The following TDRD6 variants were observed in gnomAD, a reference collection of about 807,000 sequenced individuals.
TDRD6 encodes tudor domain-containing protein 6.
Under a neutral mutation model 157.5 loss-of-function variants are expected in TDRD6, and 186 were observed. The ratio of observed to expected loss-of-function variants is 1.18; its 90% confidence interval spans 1.05 to 1.33. The LOEUF is 1.33. TDRD6 is among the 40% of genes most tolerant of loss of function. The probability of loss-of-function intolerance (pLI) is 0.00; values close to 1 mark genes in which losing one functional copy is unlikely to be tolerated. For missense variants in TDRD6, 3,066 were observed against 2,508.0 expected (o/e 1.22, Z -4.75); for synonymous variants, 1,075 against 945.2 (o/e 1.14, Z -2.52).
rs1764401604 is a variant in TDRD6, at chr6:46,693,413, G to A, written c.5285G>A (p.Gly1762Glu). The change falls in exon 1 of 4, where the codon GGA becomes GAA. Residue 1762 changes from glycine (G) to glutamate (E), a missense_variant. By Grantham distance (98) the Gly-to-Glu change is moderately conservative. Coordinates refer to ENST00000316081, the MANE Select transcript of TDRD6 (RefSeq NM_001010870.3). ...EITEKDVNIIGTKPSNFRDPK... is the reference protein window; with the variant it reads ...EITEKDVNIIETKPSNFRDPK... ...ACTGAAAAAGATGTAAACATTATTG[G>A]AACCAAACCAAGTAACTTCCGTGAC... The A allele has an allele frequency of 6.2e-7, 1 of 1,613,994 alleles. No individual in the cohort carries two copies. The highest frequency in any genetic ancestry group is 1.7e-5 in the Admixed American group (1 of 59,976).
chr6:46,688,763 A>C lies in TDRD6; in HGVS notation c.635A>C (p.Tyr212Ser), dbSNP rs151120283. ...CTCTTCCGTTCGCTGCTGGAGCGCT[A>C]TCTCACAGCGGCCACTGCTAGCGTG... is the stretch of plus-strand genomic sequence containing the variant. ...DSLFRSLLER[Y>S]LTAATASVGS... The change falls in exon 1 of 4, where the codon TAT becomes TCT. Residue 212 changes from tyrosine to serine, a missense_variant. Tyr to Ser is a moderately radical substitution (Grantham distance 144). Coordinates refer to ENST00000316081, the MANE Select transcript of TDRD6 (RefSeq NM_001010870.3). The C allele has an allele frequency of 3.7e-6, 6 of 1,605,642 alleles. No individual in the cohort carries two copies. The highest frequency in any genetic ancestry group is 1.3e-5 in the African/African-American group (1 of 75,012).
At chr6:46,683,904 T>C (rs945597973), upstream of TDRD6, among the ~76,000 whole-genome samples, 1 of 152,048 alleles carries the variant, frequency 6.6e-6, no homozygotes, top group Non-Finnish European at 1.5e-5. Flanking sequence ...TTTCCCACTA[T>C]GTTTTGCTGC....
At chr6:46,694,806 A>G (rs76191500) in intron 1 of TDRD6, among the ~76,000 whole-genome samples, 276 of 152,326 alleles carry the variant, frequency 1.8e-3, no homozygotes, top group African/African-American at 6.4e-3. Flanking sequence ...TTTATAAAAC[A>G]TGGTATTCCC....
In TDRD6 at chr6:46,689,583, G is replaced by A. The variant is rs772415236; in HGVS notation, c.1455G>A (p.Met485Ile). The A allele has an allele frequency of 2.5e-5, 41 of 1,614,050 alleles. No homozygotes were observed. The highest frequency in any genetic ancestry group is 2.9e-5 in the Non-Finnish European group (34 of 1,180,040). The change falls in exon 1 of 4, where the codon ATG becomes ATA. Residue 485 changes from methionine to isoleucine, a missense_variant. Physicochemically the swap from Met to Ile is conservative, Grantham distance 10 (BLOSUM62 1). Transcript: ENST00000316081. ...CCTTAAGATCTATCAGGTTAAAGAT[G>A]AATGCCTTCTACGATGCGCAGGTAG... The part of the protein sequence containing the change: ...LPALRSIRLK[M>I]NAFYDAQVEF...
Position 46,691,839 on chromosome 6 carries a change from T to C in TDRD6, c.3711T>C (p.Thr1237=). Residue 1237 remains threonine (T), a synonymous_variant, in exon 1 of 4, where the codon ACT becomes ACC. Coordinates refer to ENST00000316081, the MANE Select transcript of TDRD6 (RefSeq NM_001010870.3). ...LQSLTKTNLV[T]QYQDSVGNKN... ...GTTTAACAAAAACAAACTTAGTCACTCAATATCAAGACTCTGTGGGAAATA... is the reference window on the plus strand; with the variant it reads ...GTTTAACAAAAACAAACTTAGTCACCCAATATCAAGACTCTGTGGGAAATA... The C allele has an allele frequency of 1.2e-6, 2 of 1,602,660 alleles. No individual in the cohort carries two copies. The highest frequency in any genetic ancestry group is 1.7e-6 in the Non-Finnish European group (2 of 1,177,302).
Position 46,688,780 on chromosome 6 carries a change from G to A in TDRD6, c.652G>A (p.Ala218Thr), listed in dbSNP as rs746638084. Residue 218 changes from alanine to threonine, a missense_variant, in exon 1 of 4, where the codon GCT (alanine) becomes ACT (threonine). Transcript: ENST00000316081. ...GGAGCGCTATCTCACAGCGGCCACTGCTAGCGTGGGCTCCGGGGTCCCGGT... is the reference window on the plus strand; with the variant it reads ...GGAGCGCTATCTCACAGCGGCCACTACTAGCGTGGGCTCCGGGGTCCCGGT... ...LLERYLTAAT[A>T]SVGSGVPVLS... 10 of 1,608,604 alleles carry A rather than the reference G, an allele frequency of 6.2e-6. No individual in the cohort carries two copies. The Admixed American group carries it at 1.7e-4, about 27-fold the overall frequency.
chr6:46,696,913 T>C (rs551390708), intron 2 of TDRD6, among the ~76,000 whole-genome samples: 50 of 151,896 alleles, frequency 3.3e-4, no homozygotes, highest in African/African-American at 1.0e-3. Context: ...GCCCGGCTGT[T>C]TTTTAAATTG....
In TDRD6 at chr6:46,691,517, C is replaced by T. The variant is rs772534848; in HGVS notation, c.3389C>T (p.Ala1130Val). 1 of 1,613,876 alleles carries T rather than the reference C, an allele frequency of 6.2e-7. No individual in the cohort carries two copies. The highest frequency in any genetic ancestry group is 8.5e-7 in the Non-Finnish European group (1 of 1,179,906). The change falls in exon 1 of 4, where the codon GCA becomes GTA. Residue 1130 changes from alanine to valine, a missense_variant. Physicochemically the swap from Ala to Val is moderately conservative, Grantham distance 64. Coordinates refer to ENST00000316081, the MANE Select transcript of TDRD6 (RefSeq NM_001010870.3). ...AAGTCATTGAAGGCTTTAGTTGTAGCAAAAGATCCAGATGGAACACTGATT... is the reference window on the plus strand; with the variant it reads ...AAGTCATTGAAGGCTTTAGTTGTAGTAAAAGATCCAGATGGAACACTGATT... ...LDKSLKALVVAKDPDGTLIIE... is the reference protein window; with the variant it reads ...LDKSLKALVVVKDPDGTLIIE...
Position 46,689,722 on chromosome 6 carries a change from G to A in TDRD6, c.1594G>A (p.Gly532Ser). 6.2e-7 allele frequency: 1 copy of A among 1,614,208 alleles called. No individual in the cohort carries two copies. Among genetic ancestry groups the A allele is most frequent in the South Asian group, 1.1e-5 (1 of 91,078 alleles). The change falls in exon 1 of 4, where the codon GGT becomes AGT. Residue 532 changes from glycine (G) to serine (S), a missense_variant. Coordinates refer to ENST00000316081, the MANE Select transcript of TDRD6 (RefSeq NM_001010870.3). Reference protein sequence around the residue: ...GFYSSASKLDGVVLKPEPDDL... With the variant: ...GFYSSASKLDSVVLKPEPDDL... ...CTATTCCTCTGCCAGTAAGCTGGAT[G>A]GTGTAGTTTTGAAACCTGAACCTGA...
In TDRD6 at chr6:46,695,692, T is replaced by C. The variant is rs879062228; in HGVS notation, c.6047-129T>C. On this transcript the variant is annotated intron_variant, in intron 1 of 3. Transcript: ENST00000316081. ...TAAACAAAATTGAGGGAGACAGTCA[T>C]ACCAATGTACTAATTACATGATATT... is the stretch of plus-strand genomic sequence containing the variant. The C allele has an allele frequency of 7.9e-5, 68 of 860,290 alleles. 2 individuals are homozygous for C. In the South Asian group the frequency reaches 1.4e-3, roughly 17 times the overall value. 53.3% of individuals were successfully genotyped at this position (860,290 alleles called of 1,614,324 possible).
In TDRD6 at chr6:46,693,962, G is replaced by C. The variant is rs1764423206; in HGVS notation, c.5834G>C (p.Cys1945Ser). 6.2e-7 allele frequency: 1 copy of C among 1,613,694 alleles called. No homozygotes were observed. ...MCTEDMRKSS[C>S]VESFDDQRRM... The stretch of plus-strand genomic sequence containing the variant: ...ACTGAGGACATGAGAAAGTCAAGTT[G>C]TGTAGAATCTTTTGATGACCAGCGC... The change falls in exon 1 of 4, where the codon TGT (cysteine) becomes TCT (serine). Residue 1945 changes from cysteine (C) to serine (S), a missense_variant. By Grantham distance (112) the Cys-to-Ser change is moderately radical. Transcript: ENST00000316081.
upstream of TDRD6, among the ~76,000 whole-genome samples, chr6:46,687,144 G>A (rs1288924668): frequency 6.6e-6 from 1 of 152,156 alleles, no homozygotes; most frequent in Admixed American, 6.5e-5. Context: ...ATTTAACAGA[G>A]GCCTCAAAGG....
chr6:46,694,975 G>C (rs1764455265), intron 1 of TDRD6, among the ~76,000 whole-genome samples: 1 of 152,036 alleles, frequency 6.6e-6, no homozygotes, highest in Non-Finnish European at 1.5e-5. Flanking sequence ...ATCAAAAACT[G>C]TTTCATGTGT....
chr6:46,702,199 C>T lies in TDRD6; in HGVS notation c.*312C>T, dbSNP rs12528857. 4.6e-6 allele frequency: 1 copy of T among 215,482 alleles called. No individual in the cohort carries two copies. The highest frequency in any genetic ancestry group is 9.1e-6 in the Non-Finnish European group (1 of 110,190). 13.3% of individuals were successfully genotyped at this position (215,482 alleles called of 1,614,324 possible). A position where few individuals can be genotyped will look rare whatever the true frequency, so the allele number is the denominator to read the frequency against. ...TACATTTCAAAAACTATTTTGGTAC[C>T]TTTCAAATACAGTGTTTAAATTAAA... On this transcript the variant is annotated 3_prime_UTR_variant, in exon 4 of 4. Transcript: ENST00000316081.
chr6:46,694,063 T>C lies in TDRD6; in HGVS notation c.5935T>C (p.Phe1979Leu), dbSNP rs1209024998. The change falls in exon 1 of 4, where the codon TTT (phenylalanine) becomes CTT (leucine). Residue 1979 changes from phenylalanine (F) to leucine (L), a missense_variant. Phe to Leu is a conservative substitution (Grantham distance 22). Coordinates refer to ENST00000316081, the MANE Select transcript of TDRD6 (RefSeq NM_001010870.3). The stretch of plus-strand genomic sequence containing the variant: ...TGAAATGAATATATGTGAAGAAGAA[T>C]TTGTAGAGTATAAAAACAGGGATGC... ...QNEMNICEEE[F>L]VEYKNRDAIS... 5 of 1,613,732 alleles carry C rather than the reference T, an allele frequency of 3.1e-6. No individual in the cohort carries two copies. Among genetic ancestry groups the C allele is most frequent in the Non-Finnish European group, 3.4e-6 (4 of 1,179,896 alleles).
chr6:46,683,730 T>A (rs1411942640), upstream of TDRD6, among the ~76,000 whole-genome samples: 2 of 130,202 alleles, frequency 1.5e-5, no homozygotes, highest in Non-Finnish European at 3.3e-5. Context: ...TACAACTTAT[T>A]ACATGTTTCC....
chr6:46,683,272 A>C (rs994604774), upstream of TDRD6, among the ~76,000 whole-genome samples: 7 of 152,080 alleles, frequency 4.6e-5, no homozygotes, highest in Admixed American at 2.0e-4. Context: ...ATATAAAAAT[A>C]AAATCCTCAA....
In TDRD6 at chr6:46,693,109, G is replaced by A; in HGVS notation, c.4981G>A (p.Asp1661Asn). Residue 1661 changes from aspartate to asparagine, a missense_variant, in exon 1 of 4, where the codon GAT (aspartate) becomes AAT (asparagine). By Grantham distance (23) the Asp-to-Asn change is conservative. Coordinates refer to ENST00000316081, the MANE Select transcript of TDRD6 (RefSeq NM_001010870.3). ...NDYFYEIITE[D>N]VLEITILEIR... ...CTATTTCTATGAAATAATAACAGAA[G>A]ATGTGTTGGAAATAACAATACTAGA... 3 of 1,613,528 alleles carry A rather than the reference G, an allele frequency of 1.9e-6. No homozygotes were observed. Among genetic ancestry groups the A allele is most frequent in the Non-Finnish European group, 2.5e-6 (3 of 1,179,844 alleles).
chr6:46,681,743 TAAG>T, the TDRD6 span, among the ~76,000 whole-genome samples: 1 of 152,174 alleles, frequency 6.6e-6, no homozygotes, highest in South Asian at 2.1e-4. Flanking sequence ...AGTTCTGAGT[TAAG>T]AAGGTAATAA....
Sources: gnomAD v4.1 joint callset for allele counts (sites outside exome capture counted in the v4.1 genomes callset) on GRCh38, gnomAD v4.1.1 for gene constraint, MANE v1.5 for transcripts, NCBI Gene and HGNC (gene_info 2026-07-23, HGNC 2026-07-21) for gene names.